DCAF8L2: variants seen among roughly 807,000 people sequenced by gnomAD.
DCAF8L2 encodes DDB1 and CUL4 associated factor 8 like 2, also known as DDB1- and CUL4-associated factor 8-like protein 2.
For synonymous variants in DCAF8L2, 200 were observed against 190.9 expected (o/e 1.05, Z -0.39); for missense variants, 430 against 490.7 (o/e 0.88, Z 1.17).
the DCAF8L2 span, among the ~76,000 whole-genome samples, chrX:27,484,667 G>C: frequency 9.0e-6 from 1 of 111,326 alleles, no homozygotes; most frequent in Admixed American, 9.6e-5. Flanking sequence ...TTCAAATTAT[G>C]TGTATGTTTT....
chrX:27,555,314 G>A, the DCAF8L2 span, among the ~76,000 whole-genome samples: 1 of 111,985 alleles, frequency 8.9e-6, no homozygotes, highest in African/African-American at 3.3e-5. Flanking sequence ...CGTGTGAGTG[G>A]GCACAAAATG....
chrX:27,487,929 A>G, the DCAF8L2 span, among the ~76,000 whole-genome samples: 1 of 111,955 alleles, frequency 8.9e-6, no homozygotes, highest in Non-Finnish European at 1.9e-5. Context: ...AACTCTAGTG[A>G]TTTGCCTTTT....
At chrX:27,469,875 T>G in the DCAF8L2 span, among the ~76,000 whole-genome samples, 4,491 of 110,190 alleles carry the variant, frequency 0.041, 243 homozygotes, top group African/African-American at 0.14. Flanking sequence ...TTCAAGCAAT[T>G]CTCCTGCCTC....
chrX:27,662,771 A>G (rs920182989), intron 2 of DCAF8L2, among the ~76,000 whole-genome samples: 5 of 111,824 alleles, frequency 4.5e-5, no homozygotes, highest in Non-Finnish European at 9.4e-5. Context: ...ATAGCCATGT[A>G]AATTTATAAT....
the DCAF8L2 span, among the ~76,000 whole-genome samples, chrX:27,493,741 G>C: frequency 4.2e-4 from 41 of 98,152 alleles, no homozygotes; most frequent in Non-Finnish European, 8.0e-4. Context: ...AAAAAGAAAA[G>C]AAAAGGAAAG....
At chrX:27,734,293 G>A (rs1205714056) in intron 4 of DCAF8L2, among the ~76,000 whole-genome samples, 2 of 111,141 alleles carry the variant, frequency 1.8e-5, no homozygotes, top group Non-Finnish European at 3.8e-5. Flanking sequence ...AGAATCAGTG[G>A]TGAAAGAGAG....
intron 1 of DCAF8L2, among the ~76,000 whole-genome samples, chrX:27,594,744 C>T (rs971522780): frequency 1.3e-4 from 14 of 111,280 alleles, no homozygotes; most frequent in African/African-American, 4.2e-4. Flanking sequence ...CATTTGGTCA[C>T]GTTCTCCAAA....
At chrX:27,575,326 A>G in the DCAF8L2 span, among the ~76,000 whole-genome samples, 147 of 111,439 alleles carry the variant, frequency 1.3e-3, no homozygotes, top group Middle Eastern at 4.6e-3. Context: ...TCTGCCTGCT[A>G]GGGTCTCGGG....
In DCAF8L2 at chrX:27,736,054, C is replaced by T. The variant is rs935532305; in HGVS notation, c.-58-10784C>T. Among the ~76,000 whole-genome samples, 7 of 111,030 alleles carry T rather than the reference C, an allele frequency of 6.3e-5. No homozygotes were observed. The South Asian group carries it at 1.1e-3, about 18-fold the overall frequency. On this transcript the variant is annotated intron_variant, in intron 4 of 4. Coordinates refer to ENST00000451261, the MANE Select transcript of DCAF8L2 (RefSeq NM_001353450.2). ...AACTTTAAAACAGCTTCAGGTGATACGGGTGGCTCAAGTCCTATAGGCATC... is the reference window on the plus strand; with the variant it reads ...AACTTTAAAACAGCTTCAGGTGATATGGGTGGCTCAAGTCCTATAGGCATC...
the DCAF8L2 span, among the ~76,000 whole-genome samples, chrX:27,543,065 C>T: frequency 4.0e-4 from 45 of 112,131 alleles, no homozygotes; most frequent in Non-Finnish European, 6.6e-4. Context: ...TTGCCAAGGC[C>T]AATGCCTAGA....
chrX:27,644,137 C>T (rs1484262185), intron 2 of DCAF8L2, among the ~76,000 whole-genome samples: 2 of 111,953 alleles, frequency 1.8e-5, no homozygotes, highest in Non-Finnish European at 3.8e-5. Flanking sequence ...ACCCATGACC[C>T]TGATTTCCTT....
chrX:27,486,643 T>C, the DCAF8L2 span, among the ~76,000 whole-genome samples: 1 of 111,642 alleles, frequency 9.0e-6, no homozygotes, highest in African/African-American at 3.3e-5. Flanking sequence ...GTTCTTTTTG[T>C]CCATTGTATA....
At chrX:27,732,670 A>T (rs1206379275) in intron 4 of DCAF8L2, among the ~76,000 whole-genome samples, 1 of 111,375 alleles carries the variant, frequency 9.0e-6, no homozygotes, top group East Asian at 2.8e-4. Context: ...TATCTTGGAT[A>T]CTATGAAAAA....
chrX:27,648,578 T>C (rs1179700604), intron 2 of DCAF8L2, among the ~76,000 whole-genome samples: 1 of 109,100 alleles, frequency 9.2e-6, no homozygotes, highest in Non-Finnish European at 1.9e-5. Context: ...TGCATACAGT[T>C]ATCAGGAAAT....
chrX:27,733,595 A>G (rs1182043247), intron 4 of DCAF8L2, among the ~76,000 whole-genome samples: 4 of 112,032 alleles, frequency 3.6e-5, no homozygotes, highest in Non-Finnish European at 5.6e-5. Context: ...GCCACAAAAA[A>G]TCATTGCCAA....
chrX:27,575,255 G>A, the DCAF8L2 span, among the ~76,000 whole-genome samples: 4 of 110,973 alleles, frequency 3.6e-5, no homozygotes, highest in Non-Finnish European at 7.6e-5. Flanking sequence ...TCCTCTCATC[G>A]TCCAGCCATT....
chrX:27,590,740 T>C (rs1353695225), intron 1 of DCAF8L2, among the ~76,000 whole-genome samples: 1 of 109,731 alleles, frequency 9.1e-6, no homozygotes, highest in Non-Finnish European at 1.9e-5. Flanking sequence ...ATTCCTACAC[T>C]ATCTCAAATA....
the DCAF8L2 span, among the ~76,000 whole-genome samples, chrX:27,500,049 T>A: frequency 8.9e-6 from 1 of 111,820 alleles, no homozygotes; most frequent in Non-Finnish European, 1.9e-5. Context: ...CAAATCCAAT[T>A]TCATGGGCTT....
chrX:27,626,133 C>T (rs1569164303), intron 1 of DCAF8L2, among the ~76,000 whole-genome samples: 2 of 111,761 alleles, frequency 1.8e-5, no homozygotes, highest in South Asian at 7.5e-4. Context: ...AAAAGAAGGG[C>T]TTTTTGAGGG....
Sources: gnomAD v4.1 joint callset for allele counts (sites outside exome capture counted in the v4.1 genomes callset) on GRCh38, gnomAD v4.1.1 for gene constraint, MANE v1.5 for transcripts, NCBI Gene and HGNC (gene_info 2026-07-23, HGNC 2026-07-21) for gene names.